Variants in ASIC2 observed in about 807,000 individuals in gnomAD.
ASIC2 encodes the protein acid sensing ion channel subunit 2.
A neutral mutation model predicts 57.3 loss-of-function variants in ASIC2; 25 were observed. The ratio of observed to expected loss-of-function variants is 0.44; its 90% CI spans 0.32 to 0.61. The LOEUF (loss-of-function observed/expected upper bound fraction) is 0.61, where lower values mean the gene tolerates loss of function less well. Among genes scored for constraint, ASIC2 ranks in the 20% least tolerant of loss-of-function variants. The pLI, the probability that ASIC2 is intolerant of heterozygous loss-of-function variation, is 0.06. For missense variants in ASIC2, 641 were observed against 738.1 expected, an observed-to-expected ratio of 0.87 and a Z score of 1.52; for synonymous variants, 319 against 307.5, an observed-to-expected ratio of 1.04 and a Z score of -0.39.
At chr17:33,705,345 A>G (rs1049724414) in intron 1 of ASIC2, among the ~76,000 whole-genome samples, 2 of 152,146 alleles carry the variant, frequency 1.3e-5, no homozygotes, top group South Asian at 2.1e-4. Context: ...ATTTTTTTAA[A>G]TGTTTGTGGT....
chr17:34,114,111 G>C (rs1432973785), intron 1 of ASIC2, among the ~76,000 whole-genome samples: 1 of 152,142 alleles, frequency 6.6e-6, no homozygotes, highest in Non-Finnish European at 1.5e-5. Flanking sequence ...TAGTTCATGA[G>C]GTTCCTCAGA....
rs200777326 is a variant in ASIC2, at chr17:34,095,659, T to TTA, written c.555+60317_555+60318dup. 3.1e-3 allele frequency among the ~76,000 whole-genome samples: 291 copies of TTA among 93,076 alleles called. 1 individual carries two copies. The highest frequency in any genetic ancestry group is 0.013 in the African/African-American group (236 of 18,158). 61.1% of individuals were successfully genotyped at this position (93,076 alleles called of 152,430 possible). A position where few individuals can be genotyped will look rare whatever the true frequency, so the allele number is the denominator to read the frequency against. ...TATATATATATATATATATATAATTTTATATATATATAGAGAGAGAGATAT... is the reference window on the plus strand; with the variant it reads ...TATATATATATATATATATATAATTTTATATATATATATAGAGAGAGAGATAT... On this transcript the variant is annotated intron_variant, in intron 1 of 9. Coordinates refer to the ASIC2 transcript ENST00000359872.
intron 1 of ASIC2, among the ~76,000 whole-genome samples, chr17:33,713,396 A>G (rs773840767): frequency 4.6e-5 from 7 of 152,170 alleles, no homozygotes; most frequent in African/African-American, 1.2e-4. Context: ...TCTTCCTAAC[A>G]TCTGGTGGTT....
intron 1 of ASIC2, among the ~76,000 whole-genome samples, chr17:33,583,350 G>A (rs1243326886): frequency 6.6e-6 from 1 of 152,096 alleles, no homozygotes; most frequent in Non-Finnish European, 1.5e-5. Flanking sequence ...GCTCATGTTG[G>A]CATAAATGGC....
intron 1 of ASIC2, among the ~76,000 whole-genome samples, chr17:33,499,692 G>C (rs560737988): frequency 1.3e-5 from 2 of 152,210 alleles, no homozygotes; most frequent in African/African-American, 4.8e-5. Flanking sequence ...GTTCTGTGTT[G>C]GGCAGCAGAC....
At chr17:33,979,287 A>G (rs2142003042) in intron 1 of ASIC2, among the ~76,000 whole-genome samples, 1 of 152,112 alleles carries the variant, frequency 6.6e-6, no homozygotes, top group Admixed American at 6.5e-5. Flanking sequence ...CCTGCATGAG[A>G]CCTGGTATAG....
chr17:34,045,183 A>G (rs1327712994), intron 1 of ASIC2, among the ~76,000 whole-genome samples: 1 of 151,928 alleles, frequency 6.6e-6, no homozygotes, highest in Non-Finnish European at 1.5e-5. Flanking sequence ...CTAGCATCCA[A>G]AAAGACTCCA....
intron 1 of ASIC2, among the ~76,000 whole-genome samples, chr17:33,540,941 T>C (rs1212713122): frequency 1.3e-5 from 2 of 152,230 alleles, no homozygotes; most frequent in African/African-American, 4.8e-5. Flanking sequence ...TTCATGTATA[T>C]TCTTGATTTC....
chr17:33,456,519 A>G (rs1280719751), intron 1 of ASIC2, among the ~76,000 whole-genome samples: 1 of 152,210 alleles, frequency 6.6e-6, no homozygotes, highest in Non-Finnish European at 1.5e-5. Flanking sequence ...GGTAGTGACT[A>G]CTGATACATC....
In ASIC2 at chr17:33,404,730, C is replaced by A. The variant is rs559982696; in HGVS notation, c.556-292663G>T. 8.5e-5 allele frequency among the ~76,000 whole-genome samples: 13 copies of A among 152,296 alleles called. No homozygotes were observed. In the South Asian group the frequency reaches 2.7e-3, roughly 32 times the overall value. On this transcript the variant is annotated intron_variant, in intron 1 of 9. Coordinates refer to the ASIC2 transcript ENST00000359872. ...GAGCAGAATGTTTGCACTTCTTTAG[C>A]CTAGATACACAAAGAAATATTTTGC... is the stretch of plus-strand genomic sequence containing the variant.
At chr17:33,897,118 C>T (rs1915117602) in intron 1 of ASIC2, among the ~76,000 whole-genome samples, 1 of 152,132 alleles carries the variant, frequency 6.6e-6, no homozygotes, top group African/African-American at 2.4e-5. Flanking sequence ...GATATTATCA[C>T]CAAATGGGCT....
intron 1 of ASIC2, among the ~76,000 whole-genome samples, chr17:33,146,141 C>T (rs1567762220): frequency 6.6e-6 from 1 of 152,210 alleles, no homozygotes; most frequent in Non-Finnish European, 1.5e-5. Flanking sequence ...GAACAGGAAG[C>T]TCAACTTCCC....
At chr17:33,355,123 A>C (rs1908328202) in intron 1 of ASIC2, among the ~76,000 whole-genome samples, 1 of 152,208 alleles carries the variant, frequency 6.6e-6, no homozygotes, top group Non-Finnish European at 1.5e-5. Context: ...ACCTGAGATC[A>C]GGAGTTTGAG....
At chr17:33,720,652 T>C (rs1909361840) in intron 1 of ASIC2, among the ~76,000 whole-genome samples, 1 of 152,208 alleles carries the variant, frequency 6.6e-6, no homozygotes, top group Non-Finnish European at 1.5e-5. Context: ...TGTTAGGTGA[T>C]AGCATTGTTG....
intron 1 of ASIC2, among the ~76,000 whole-genome samples, chr17:33,725,723 C>CG (rs1202380964): frequency 1.6e-4 from 4 of 24,830 alleles, no homozygotes; most frequent in Admixed American, 6.8e-4. Flanking sequence ...ATTAAGAAAC[C>CG]CCCCCCCCCT....
chr17:33,800,552 A>T (rs1348292701), intron 1 of ASIC2, among the ~76,000 whole-genome samples: 1 of 152,172 alleles, frequency 6.6e-6, no homozygotes, highest in African/African-American at 2.4e-5. Flanking sequence ...CATTTCTCCC[A>T]CTTCCCTGAC....
At chr17:33,580,115 C>G (rs12452091) in intron 1 of ASIC2, 32,921 of 152,098 alleles carry the variant, frequency 0.22, 3,723 homozygotes, top group South Asian at 0.37. Context: ...ACATCCTGAA[C>G]TCCAGGGTTG....
chr17:33,141,999 A>G (rs1169224012), intron 1 of ASIC2, among the ~76,000 whole-genome samples: 2 of 152,214 alleles, frequency 1.3e-5, no homozygotes, highest in African/African-American at 4.8e-5. Context: ...TGCAGACCCT[A>G]TTGGCATATA....
intron 1 of ASIC2, among the ~76,000 whole-genome samples, chr17:33,636,448 T>C (rs1906368386): frequency 6.6e-6 from 1 of 152,182 alleles, no homozygotes; most frequent in Non-Finnish European, 1.5e-5. Context: ...AACCTCATTA[T>C]TGGGCCACCT....
Sources: allele counts gnomAD v4.1 joint callset (sites outside exome capture counted in the v4.1 genomes callset), GRCh38; gene constraint gnomAD v4.1.1; transcripts MANE v1.5; gene names NCBI Gene and HGNC (gene_info 2026-07-23, HGNC 2026-07-21).